Variants in HDAC7 observed in about 807,000 individuals in gnomAD.
HDAC7 encodes the protein histone deacetylase 7.
HDAC7 carries 26 observed loss-of-function variants against 115.5 expected under a neutral mutation model. The observed-to-expected ratio is 0.23, with a 90% CI of 0.16 to 0.31. The LOEUF is 0.31. Among genes scored for constraint, HDAC7 ranks in the 10% least tolerant of loss-of-function variants. The probability of loss-of-function intolerance (pLI) is 1.00; values close to 1 mark genes in which losing one functional copy is unlikely to be tolerated. For missense variants in HDAC7, 1,068 were observed against 1,329.0 expected, an observed-to-expected ratio of 0.80 and a Z score of 3.05; for synonymous variants, 564 against 550.9, an observed-to-expected ratio of 1.02 and a Z score of -0.33.
chr12:47,815,288 G>A (rs942850894), intron 1 of HDAC7, among the ~76,000 whole-genome samples: 9 of 152,134 alleles, frequency 5.9e-5, no homozygotes, highest in Non-Finnish European at 7.4e-5. Context: ...CAGCCCAATC[G>A]GGTCCACGTC....
intron 1 of HDAC7, chr12:47,812,977 C>G (rs1307594995): frequency 5.9e-5 from 9 of 152,254 alleles, no homozygotes; most frequent in Admixed American, 5.9e-4. Flanking sequence ...CTCAGCCCCT[C>G]GCCCGGTGGG....
intron 1 of HDAC7, chr12:47,813,041 G>C (rs1343619196): frequency 6.6e-6 from 1 of 152,244 alleles, no homozygotes; most frequent in Non-Finnish European, 1.5e-5. Context: ...CTCACTCCCG[G>C]GACCCAGGGG....
In HDAC7 at chr12:47,803,929, C is replaced by T. The variant is rs1944280006; in HGVS notation, c.20-1655G>A. Among the ~76,000 whole-genome samples the T allele has an allele frequency of 6.6e-6, 1 of 152,150 alleles. No homozygotes were observed. The highest frequency in any genetic ancestry group is 1.5e-5 in the Non-Finnish European group (1 of 68,038). On this transcript the variant is annotated intron_variant, in intron 1 of 25. Transcript: ENST00000080059. The surrounding 1 kb of genome is among the most constrained non-coding windows in gnomAD (Gnocchi z 4.0). Reference sequence around the variant, plus strand: ...TTTCTGGACTGGGCTCCAGGGTGCACTCCCAGAGACTGTGTCAGGCTGAGT... The same window carrying T: ...TTTCTGGACTGGGCTCCAGGGTGCATTCCCAGAGACTGTGTCAGGCTGAGT...
chr12:47,798,626 C>T lies in HDAC7; in HGVS notation c.285G>A (p.Glu95=). ...MRLSMDTPMP[E]LQVGPQEQEL... ...CTTGTTCCTGGGGTCCCACCTGCAA[C>T]TCGGGCATCGGCGTGTCCATGGAGA... The change falls in exon 4 of 26, where the codon GAG becomes GAA. Residue 95 remains glutamate, a synonymous_variant. Transcript: ENST00000080059. This position sits in a 1 kb window ranked among gnomAD's most constrained non-coding sequence, Gnocchi z 4.3. 1 of 1,613,970 alleles carries T rather than the reference C, an allele frequency of 6.2e-7. No homozygotes were observed. The highest frequency in any genetic ancestry group is 8.5e-7 in the Non-Finnish European group (1 of 1,179,880).
chr12:47,800,904 G>T (rs968551876), intron 2 of HDAC7, among the ~76,000 whole-genome samples: 1 of 152,206 alleles, frequency 6.6e-6, no homozygotes, highest in Admixed American at 6.5e-5. Context: ...CATTTGTGAG[G>T]CTCCACAATC....
intron 1 of HDAC7, among the ~76,000 whole-genome samples, chr12:47,805,386 A>G (rs1265427700): frequency 6.6e-6 from 1 of 151,944 alleles, no homozygotes; most frequent in East Asian, 1.9e-4. Flanking sequence ...ACTCTTGATT[A>G]GCGGAAAAGG....
chr12:47,801,554 G>A (rs771552555), intron 2 of HDAC7, among the ~76,000 whole-genome samples: 4 of 152,154 alleles, frequency 2.6e-5, no homozygotes, highest in Non-Finnish European at 5.9e-5. Flanking sequence ...GAAGCAAGGA[G>A]GATACCTGGG....
rs1008452501 is a variant in HDAC7 at position 47,803,094 on chromosome 12, C to G, written c.20-820G>C. Among the ~76,000 whole-genome samples the G allele has an allele frequency of 2.0e-5, 3 of 152,328 alleles. No homozygotes were observed. The highest frequency in any genetic ancestry group is 7.2e-5 in the African/African-American group (3 of 41,572). ...AACCTATAGTAGGGCCCAAGCTGGT[C>G]AGCAGCAGAAAGCCCCCAGGGGACA... On this transcript the variant is annotated intron_variant, in intron 1 of 25. Transcript: ENST00000080059. This position sits in a 1 kb window ranked among gnomAD's most constrained non-coding sequence, Gnocchi z 4.0.
Position 47,795,553 on chromosome 12 carries a change from C to A in HDAC7, c.1087+34G>T, listed in dbSNP as rs369850245. On this transcript the variant is annotated intron_variant, in intron 10 of 25. Transcript: ENST00000080059. This position sits in a 1 kb window ranked among gnomAD's most constrained non-coding sequence, Gnocchi z 4.3. ...CTTGGCTCTTAGCAGGGTGCAGGGA[C>A]CCAGCCCCTTCCCTGAAGAAGCAGC... 1.7e-5 allele frequency: 27 copies of A among 1,544,366 alleles called. No homozygotes were observed. Among genetic ancestry groups the A allele is most frequent in the Non-Finnish European group, 2.1e-5 (24 of 1,143,404 alleles).
At position 47,795,621 on chromosome 12, in the gene HDAC7, CAGG is replaced by C; in HGVS notation, c.1050_1052del (p.Leu351del). The stretch of plus-strand genomic sequence containing the variant: ...GCGGGGCATGAGAGCCTGAGGGGTC[CAGG>C]AGGAGAATGGGCTGCAGGCGAGAGG... On this transcript the variant is annotated inframe_deletion, in exon 10 of 26. Transcript: ENST00000080059. The surrounding 1 kb of genome is among the most constrained non-coding windows in gnomAD (Gnocchi z 4.3). 1.3e-6 allele frequency: 2 copies of C among 1,560,910 alleles called. No individual in the cohort carries two copies. The highest frequency in any genetic ancestry group is 1.2e-5 in the South Asian group (1 of 84,632).
rs1467113620 is a variant in HDAC7 at position 47,789,317 on chromosome 12, C to T, written c.2179G>A (p.Ala727Thr). 1.9e-6 allele frequency: 3 copies of T among 1,613,848 alleles called. No homozygotes were observed. The highest frequency in any genetic ancestry group is 1.7e-5 in the Admixed American group (1 of 60,006). Residue 727 changes from alanine (A) to threonine (T), a missense_variant, in exon 19 of 26, where the codon GCC (alanine) becomes ACC (threonine). Around this residue, in one of 6 missense-constraint regions of HDAC7, gnomAD observed 182 missense variants for 301.1 expected, o/e 0.60. Transcript: ENST00000080059. ...CTCTGCTGTTGCAGCTGCCGGCAGG[C>T]GATGGCCACTGAGTTGAAGAAGCAG... ...GFCFFNSVAI[A>T]CRQLQQQSKA...
intron 1 of HDAC7, among the ~76,000 whole-genome samples, chr12:47,811,152 C>T (rs1944648540): frequency 6.6e-6 from 1 of 152,140 alleles, no homozygotes; most frequent in Admixed American, 6.6e-5. Context: ...CAGTAAATAC[C>T]CTAGAGGTCC....
intron 16 of HDAC7, 103 bp from the exon 17 acceptor site, chr12:47,790,023 G>A: frequency 1.2e-6 from 1 of 818,622 alleles, no homozygotes; most frequent in Non-Finnish European, 2.1e-6. Flanking sequence ...CAGGGGCAGG[G>A]AGCTGGGCAG....
At position 47,789,824 on chromosome 12, in the gene HDAC7, G is replaced by A. The variant is rs1943382170; in HGVS notation, c.2080C>T (p.Arg694Cys). Reference sequence around the variant, plus strand: ...CCCAAACCTCCTACCTTTAGCTCACGAGAAGCCACTTTGAAGGCGAGGTCA... The same window carrying A: ...CCCAAACCTCCTACCTTTAGCTCACAAGAAGCCACTTTGAAGGCGAGGTCA... ...VTDLAFKVAS[R>C]ELKNGFAVVR... The change falls in exon 17 of 26, where the codon CGT becomes TGT. Residue 694 changes from arginine (R) to cysteine (C), a missense_variant. Arg to Cys is a radical substitution (Grantham distance 180, BLOSUM62 -3). This residue lies in a region of HDAC7 where 182 missense variants were observed against 301.1 expected (regional missense o/e 0.60). Transcript: ENST00000080059. The A allele has an allele frequency of 4.3e-6, 7 of 1,613,176 alleles. No individual in the cohort carries two copies. The highest frequency in any genetic ancestry group is 5.9e-6 in the Non-Finnish European group (7 of 1,179,562).
intron 1 of HDAC7, among the ~76,000 whole-genome samples, chr12:47,813,788 C>G (rs924806420): frequency 1.3e-5 from 2 of 152,190 alleles, no homozygotes; most frequent in African/African-American, 4.8e-5. Context: ...GGGTGGAAGG[C>G]AGCCTTGGCA....
intron 1 of HDAC7, among the ~76,000 whole-genome samples, chr12:47,815,460 A>G (rs1245322201): frequency 1.3e-5 from 2 of 152,122 alleles, no homozygotes; most frequent in African/African-American, 4.8e-5. Context: ...CTGTGGGTCT[A>G]TTTCCTCAAA....
chr12:47,791,113 G>T, intron 16 of HDAC7, 146 bp downstream of exon 16: 2 of 760,072 alleles, frequency 2.6e-6, no homozygotes, highest in East Asian at 2.7e-5. Flanking sequence ...TCCTGCTGCA[G>T]GGGGCACCTC....
chr12:47,788,939 T>G, intron 19 of HDAC7: 1 of 322,682 alleles, frequency 3.1e-6, no homozygotes. Flanking sequence ...GCTATTATTC[T>G]TATCATCACT....
chr12:47,789,559 C>T lies in HDAC7; in HGVS notation c.2111G>A (p.Arg704Gln). Residue 704 changes from arginine to glutamine, a missense_variant, in exon 18 of 26, where the codon CGG (arginine) becomes CAG (glutamine). Coordinates refer to ENST00000080059, the MANE Select transcript of HDAC7 (RefSeq NM_015401.5). ...ATGATCTGCATGGTGTCCTGGGGGC[C>T]GCACCACAGCGAAACCATTCTGGAA... Reference protein sequence around the residue: ...RELKNGFAVVRPPGHHADHST... With the variant: ...RELKNGFAVVQPPGHHADHST... 6.2e-7 allele frequency: 1 copy of T among 1,614,192 alleles called. No homozygotes were observed. The highest frequency in any genetic ancestry group is 2.2e-5 in the East Asian group (1 of 44,894).
Sources: allele counts gnomAD v4.1 joint callset (sites outside exome capture counted in the v4.1 genomes callset), GRCh38; gene constraint gnomAD v4.1.1; regional missense constraint gnomAD v4.1.1; non-coding constraint Gnocchi (gnomAD v3.1); transcripts MANE v1.5; gene names NCBI Gene and HGNC (gene_info 2026-07-23, HGNC 2026-07-21).